The following CALD1 variants were observed in gnomAD, a reference collection of about 807,000 sequenced individuals.
CALD1 encodes the protein caldesmon 1, also known as caldesmon.
A neutral mutation model predicts 99.9 loss-of-function variants in CALD1; 33 were observed. The observed-to-expected ratio is 0.33, with a 90% confidence interval of 0.25 to 0.44. CALD1 has a LOEUF of 0.44. Ranked by LOEUF, CALD1 falls within the 20% of genes least tolerant of loss-of-function variation. The pLI is 1.00. For missense variants in CALD1, 861 were observed against 962.1 expected, an observed-to-expected ratio of 0.89 and a Z score of 1.39; for synonymous variants, 310 against 325.0, an observed-to-expected ratio of 0.95 and a Z score of 0.50.
At chr7:134,789,844 C>T (rs1439606691) in intron 1 of CALD1, among the ~76,000 whole-genome samples, 1 of 152,126 alleles carries the variant, frequency 6.6e-6, no homozygotes, top group Non-Finnish European at 1.5e-5. Context: ...GAAGCACGAA[C>T]CTCGCTGCTC....
intron 3 of CALD1, among the ~76,000 whole-genome samples, chr7:134,910,891 A>G (rs1325054577): frequency 6.6e-6 from 1 of 152,226 alleles, no homozygotes; most frequent in East Asian, 1.9e-4. Flanking sequence ...AGAAAGTAAC[A>G]TGGGAATGAG....
At chr7:134,919,879 T>G (rs746352866) in intron 3 of CALD1, among the ~76,000 whole-genome samples, 34 of 152,348 alleles carry the variant, frequency 2.2e-4, no homozygotes, top group Non-Finnish European at 1.2e-4. Context: ...ACAGACTACT[T>G]ACTAATAAAT....
intron 1 of CALD1, among the ~76,000 whole-genome samples, chr7:134,840,732 G>C (rs1284156773): frequency 2.0e-5 from 3 of 152,146 alleles, no homozygotes; most frequent in African/African-American, 7.2e-5. Flanking sequence ...ACAAACCTGG[G>C]TTTTAATTCT....
At chr7:134,937,901 T>C (rs1806117870) in intron 6 of CALD1, among the ~76,000 whole-genome samples, 1 of 152,246 alleles carries the variant, frequency 6.6e-6, no homozygotes, top group Non-Finnish European at 1.5e-5. Flanking sequence ...TCTCCAATCA[T>C]AAAAAGTCTC....
the CALD1 span, among the ~76,000 whole-genome samples, chr7:134,735,828 T>C: frequency 6.6e-6 from 1 of 151,902 alleles, no homozygotes; most frequent in Non-Finnish European, 1.5e-5. Context: ...CTCCAAAAAG[T>C]CCAGCTGGGG....
upstream of CALD1, among the ~76,000 whole-genome samples, chr7:134,743,363 C>A (rs1796607243): frequency 6.6e-6 from 1 of 152,114 alleles, no homozygotes; most frequent in African/African-American, 2.4e-5. Context: ...AATATTTGGC[C>A]AAATTAGTTA....
chr7:134,796,736 A>G (rs71530941), intron 1 of CALD1, among the ~76,000 whole-genome samples: 3,226 of 152,114 alleles, frequency 0.021, 88 homozygotes, highest in Non-Finnish European at 0.028. Context: ...CAGACACAGC[A>G]CCATCACGCC....
chr7:134,802,500 G>T (rs1797986029), intron 1 of CALD1, among the ~76,000 whole-genome samples: 1 of 152,030 alleles, frequency 6.6e-6, no homozygotes, highest in South Asian at 2.1e-4. Context: ...TCCCAGTTTG[G>T]GATATTATGA....
intron 1 of CALD1, among the ~76,000 whole-genome samples, chr7:134,752,964 A>C (rs1031613114): frequency 1.3e-5 from 2 of 149,360 alleles, no homozygotes; most frequent in Admixed American, 1.4e-4. Context: ...GAGCCGAGAC[A>C]GCACCACTGC....
chr7:134,896,947 T>C (rs1256369155), intron 3 of CALD1, among the ~76,000 whole-genome samples: 1 of 152,150 alleles, frequency 6.6e-6, no homozygotes, highest in Admixed American at 6.5e-5. Flanking sequence ...TTTAAAAAGG[T>C]GGTTGTAGGC....
chr7:134,768,583 GC>G (rs1209715429), intron 1 of CALD1, among the ~76,000 whole-genome samples: 1 of 152,154 alleles, frequency 6.6e-6, no homozygotes, highest in African/African-American at 2.4e-5. Context: ...AAGCACAGTG[GC>G]TTTTCCCGAT....
upstream of CALD1, chr7:134,779,280 AT>A (rs1797011625): frequency 5.8e-6 from 1 of 171,178 alleles, no homozygotes; most frequent in Admixed American, 6.3e-5. Flanking sequence ...CAAGATTAAC[AT>A]TTCTTATGAT....
intron 1 of CALD1, among the ~76,000 whole-genome samples, chr7:134,840,898 T>C (rs975000775): frequency 6.6e-6 from 1 of 152,116 alleles, no homozygotes; most frequent in Non-Finnish European, 1.5e-5. Context: ...ATAGATATTA[T>C]TATGTAATAT....
chr7:134,841,128 C>G (rs1024560230), intron 1 of CALD1, among the ~76,000 whole-genome samples: 2 of 152,092 alleles, frequency 1.3e-5, no homozygotes, highest in Admixed American at 6.6e-5. Context: ...AATAAATCAT[C>G]TGAATTGAGT....
chr7:134,742,196 A>G (rs757008640), upstream of CALD1, among the ~76,000 whole-genome samples: 3 of 152,222 alleles, frequency 2.0e-5, no homozygotes, highest in Non-Finnish European at 4.4e-5. Flanking sequence ...TCCAATTAGT[A>G]GTTTAGTAAT....
intron 11 of CALD1, among the ~76,000 whole-genome samples, chr7:134,959,086 A>G (rs975187466): frequency 2.2e-4 from 34 of 151,794 alleles, no homozygotes; most frequent in African/African-American, 8.0e-4. Flanking sequence ...TGTGAAATAA[A>G]TACTTGTATA....
At chr7:134,898,204 G>T (rs1208120301) in intron 3 of CALD1, among the ~76,000 whole-genome samples, 1 of 152,188 alleles carries the variant, frequency 6.6e-6, no homozygotes, top group South Asian at 2.1e-4. Flanking sequence ...AACTTGCTGC[G>T]ACACAGCTAT....
At chr7:134,839,090 C>A (rs537086175) in intron 1 of CALD1, among the ~76,000 whole-genome samples, 1 of 152,308 alleles carries the variant, frequency 6.6e-6, no homozygotes, top group East Asian at 1.9e-4. Flanking sequence ...CATGCCTTCC[C>A]CCACCCAGCC....
At chr7:134,911,535 C>T (rs1267606398) in intron 3 of CALD1, among the ~76,000 whole-genome samples, 1 of 152,208 alleles carries the variant, frequency 6.6e-6, no homozygotes. Flanking sequence ...CCTTTCCCTA[C>T]ACATGGACTG....
Sources: gnomAD v4.1 joint callset for allele counts (sites outside exome capture counted in the v4.1 genomes callset) on GRCh38, gnomAD v4.1.1 for gene constraint, MANE v1.5 for transcripts, NCBI Gene and HGNC (gene_info 2026-07-23, HGNC 2026-07-21) for gene names.